CDH23: variants seen among roughly 807,000 people sequenced by gnomAD.
CDH23 encodes cadherin related 23.
In CDH23, 189 loss-of-function variants were observed where a neutral mutation model predicts 317.1. That is an observed-to-expected ratio of 0.60 (90% CI 0.53 to 0.67). The LOEUF is 0.67. CDH23 is among the 30% of genes least tolerant of loss of function. CDH23 has a pLI of 0.00. For missense variants in CDH23, 4,401 were observed against 4,592.4 expected (o/e 0.96, Z 1.20); for synonymous variants, 1,839 against 1,876.8 (o/e 0.98, Z 0.52).
rs376039927 is a variant in CDH23, at chr10:71,687,683, G to T, written c.2023G>T (p.Ala675Ser). 1 of 1,613,880 alleles carries T rather than the reference G, an allele frequency of 6.2e-7. No homozygotes were observed. Among genetic ancestry groups the T allele is most frequent in the Non-Finnish European group, 8.5e-7 (1 of 1,179,868 alleles). Residue 675 changes from alanine (A) to serine (S), a missense_variant, in exon 19 of 70, where the codon GCC (alanine) becomes TCC (serine). By Grantham distance (99) the Ala-to-Ser change is moderately conservative (BLOSUM62 1). This residue lies in a region of CDH23 where 3,068 missense variants were observed against 3,203.3 expected (regional missense o/e 0.96). Coordinates refer to ENST00000224721, the MANE Select transcript of CDH23 (RefSeq NM_022124.6). ...NDNPPTFSKP[A>S]YFVSVVENIM... ...CAACCCTCCCACCTTCAGCAAGCCCGCCTACTTCGTCTCCGTGGTGGAGAA... is the reference window on the plus strand; with the variant it reads ...CAACCCTCCCACCTTCAGCAAGCCCTCCTACTTCGTCTCCGTGGTGGAGAA...
intron 17 of CDH23, among the ~76,000 whole-genome samples, chr10:71,680,799 C>T (rs72815821): frequency 8.7e-6 from 1 of 115,280 alleles, no homozygotes; most frequent in Non-Finnish European, 1.6e-5. Context: ...AATCTACATC[C>T]CTCTGTCTTT....
chr10:71,761,995 C>T (rs377186250), intron 38 of CDH23: 169 of 1,609,858 alleles, frequency 1.0e-4, no homozygotes, highest in Admixed American at 5.0e-4. Context: ...ACAGGGAATA[C>T]GGCGTGGCGA....
chr10:71,535,921 A>C (rs1201271394), intron 6 of CDH23, among the ~76,000 whole-genome samples: 2 of 152,240 alleles, frequency 1.3e-5, no homozygotes, highest in African/African-American at 2.4e-5. Flanking sequence ...AAAACAGACA[A>C]TATCAGGCCA....
At chr10:71,571,854 G>T (rs146954831) in intron 8 of CDH23, among the ~76,000 whole-genome samples, 1 of 152,248 alleles carries the variant, frequency 6.6e-6, no homozygotes, top group Admixed American at 6.5e-5. Flanking sequence ...GCTCGTGAGC[G>T]TTCAGGGCCC....
intron 6 of CDH23, among the ~76,000 whole-genome samples, chr10:71,520,352 A>G (rs1206651353): frequency 6.6e-6 from 1 of 152,246 alleles, no homozygotes; most frequent in East Asian, 1.9e-4. Context: ...CTAGACTTCC[A>G]CGTAGACTCT....
At chr10:71,650,568 T>A (rs545173439) in intron 14 of CDH23, among the ~76,000 whole-genome samples, 207 of 152,340 alleles carry the variant, frequency 1.4e-3, no homozygotes, top group African/African-American at 4.8e-3. Flanking sequence ...TGTGCATGTG[T>A]GCCTGTGCAC....
At chr10:71,746,924 C>T (rs924894663) in intron 38 of CDH23, among the ~76,000 whole-genome samples, 7 of 152,180 alleles carry the variant, frequency 4.6e-5, no homozygotes, top group African/African-American at 1.4e-4. Context: ...CTTGGCAGTA[C>T]ACCTCATGTC....
At chr10:71,731,863 C>G (rs1839401672) in intron 31 of CDH23, 124 bp from the exon 32 acceptor site, 2 of 944,084 alleles carry the variant, frequency 2.1e-6, no homozygotes, top group Non-Finnish European at 3.2e-6. Context: ...ATCCTGCCGG[C>G]AGAGGTGGGG....
intron 9 of CDH23, among the ~76,000 whole-genome samples, chr10:71,590,426 C>A (rs1350215720): frequency 6.6e-6 from 1 of 152,152 alleles, no homozygotes; most frequent in Non-Finnish European, 1.5e-5. Flanking sequence ...TATCTCACTG[C>A]CCCTCCTACC....
Position 71,806,186 on chromosome 10 carries a change from G to T in CDH23, c.8083G>T (p.Asp2695Tyr). The T allele has an allele frequency of 1.3e-6, 2 of 1,565,668 alleles. No homozygotes were observed. Among genetic ancestry groups the T allele is most frequent in the South Asian group, 1.2e-5 (1 of 85,044 alleles). The change falls in exon 57 of 70, where the codon GAC (aspartate) becomes TAC (tyrosine). Residue 2695 changes from aspartate to tyrosine, a missense_variant. Asp to Tyr is a radical substitution (Grantham distance 160). Transcript: ENST00000224721. ...AVYSLILVAS[D>Y]LGQPVPYETM... The stretch of plus-strand genomic sequence containing the variant: ...CTCCTAGCTCATCTTGGTGGCCAGC[G>T]ACCTGGGCCAGCCAGTGCCATACGA...
At chr10:71,796,195 A>C in intron 48 of CDH23, 10 of 683,110 alleles carry the variant, frequency 1.5e-5, no homozygotes, top group Non-Finnish European at 1.8e-5. Context: ...AGGAGGTCTC[A>C]CTCTGGGATG....
At chr10:71,755,428 C>G in intron 38 of CDH23, 1 of 1,613,274 alleles carries the variant, frequency 6.2e-7, no homozygotes, top group Non-Finnish European at 8.5e-7. Context: ...AGGATTCCTA[C>G]GATGCAGGCA....
At chr10:71,630,624 G>A (rs1270255009) in intron 11 of CDH23, among the ~76,000 whole-genome samples, 4 of 152,226 alleles carry the variant, frequency 2.6e-5, no homozygotes, top group Admixed American at 2.6e-4. Flanking sequence ...GATGGAATCC[G>A]TAGGTTAGCT....
intron 9 of CDH23, among the ~76,000 whole-genome samples, chr10:71,601,678 C>A (rs1204986294): frequency 1.3e-5 from 2 of 152,238 alleles, no homozygotes; most frequent in Admixed American, 1.3e-4. Context: ...GGACTCCACA[C>A]CCCGTCATCT....
At chr10:71,621,076 A>G (rs868488953) in intron 11 of CDH23, among the ~76,000 whole-genome samples, 18 of 152,378 alleles carry the variant, frequency 1.2e-4, no homozygotes, top group South Asian at 8.3e-4. Flanking sequence ...CTGCAAAAGC[A>G]GTTAAACATT....
At chr10:71,596,077 C>G (rs77978598) in intron 9 of CDH23, among the ~76,000 whole-genome samples, 3 of 151,986 alleles carry the variant, frequency 2.0e-5, no homozygotes, top group African/African-American at 7.3e-5. Flanking sequence ...AAGGGTGGCG[C>G]CTTCTGCCTG....
At chr10:71,798,275 CTTGGCTG>C in intron 49 of CDH23, 72 bp from the exon 50 acceptor site, 2 of 1,093,518 alleles carry the variant, frequency 1.8e-6, no homozygotes, top group Non-Finnish European at 2.8e-6. Context: ...GCTCACCCGG[CTTGGCTG>C]AGGCTAAGGA....
At chr10:71,577,190 A>G (rs1330520835) in intron 8 of CDH23, among the ~76,000 whole-genome samples, 1 of 152,148 alleles carries the variant, frequency 6.6e-6, no homozygotes, top group African/African-American at 2.4e-5. Context: ...TCTTGACTTC[A>G]TGCCATAGGC....
chr10:71,678,065 A>G (rs1242611312), intron 16 of CDH23, among the ~76,000 whole-genome samples: 1 of 152,224 alleles, frequency 6.6e-6, no homozygotes, highest in Non-Finnish European at 1.5e-5. Context: ...AACGCCTCAT[A>G]TCCTTGGTAC....
Sources: allele counts gnomAD v4.1 joint callset (sites outside exome capture counted in the v4.1 genomes callset), GRCh38; gene constraint gnomAD v4.1.1; regional missense constraint gnomAD v4.1.1; transcripts MANE v1.5; gene names NCBI Gene and HGNC (gene_info 2026-07-23, HGNC 2026-07-21).